The following TSHZ2 variants were observed in gnomAD, a reference collection of about 807,000 sequenced individuals.
The protein encoded by TSHZ2 is teashirt homolog 2.
Under a neutral mutation model 74.4 loss-of-function variants are expected in TSHZ2, and 21 were observed. The ratio of observed to expected loss-of-function variants is 0.28; its 90% CI spans 0.20 to 0.41. TSHZ2 has a LOEUF of 0.41. Among genes scored for constraint, TSHZ2 ranks in the 10% least tolerant of loss-of-function variants. TSHZ2 has a pLI of 1.00. For synonymous variants in TSHZ2, 540 were observed against 515.3 expected, an observed-to-expected ratio of 1.05 and a Z score of -0.65; for missense variants, 1,244 against 1,293.5, an observed-to-expected ratio of 0.96 and a Z score of 0.59.
intron 1 of TSHZ2, among the ~76,000 whole-genome samples, chr20:53,193,598 A>G (rs1033250030): frequency 2.0e-5 from 3 of 152,204 alleles, no homozygotes; most frequent in Admixed American, 6.5e-5. Context: ...TGCCTAGAAC[A>G]CAGCTGATGT....
In TSHZ2 at chr20:53,432,897, A is replaced by G. The variant is rs191933357; in HGVS notation, c.*9-54247A>G. ...CCATCCCAACATCCAGAAGTAGGCAACAATGGCATTGAGTCAATGGATTAG... is the reference window on the plus strand; with the variant it reads ...CCATCCCAACATCCAGAAGTAGGCAGCAATGGCATTGAGTCAATGGATTAG... On this transcript the variant is annotated intron_variant, in intron 2 of 2. Transcript: ENST00000371497. Among the ~76,000 whole-genome samples, 6 of 152,338 alleles carry G rather than the reference A, an allele frequency of 3.9e-5. No homozygotes were observed. The East Asian group carries it at 9.6e-4, about 24-fold the overall frequency.
intron 1 of TSHZ2, among the ~76,000 whole-genome samples, chr20:53,027,733 T>C: frequency 6.6e-6 from 1 of 152,052 alleles, no homozygotes; most frequent in East Asian, 1.9e-4. Flanking sequence ...CACTCCAGCC[T>C]GAGTGACAGA....
chr20:53,253,416 GGAAGCACTTAGTCTATGT>G (rs1322812350), intron 1 of TSHZ2, 65 bp from the exon 2 acceptor site: 1 of 1,505,890 alleles, frequency 6.6e-7, no homozygotes, highest in African/African-American at 1.4e-5. Context: ...GTTCGGCATG[GGAAGCACTTAGTCTATGT>G]GAGGAAATTG....
intron 1 of TSHZ2, among the ~76,000 whole-genome samples, chr20:53,163,383 T>TC (rs1987989553): frequency 6.7e-6 from 1 of 148,676 alleles, no homozygotes; most frequent in African/African-American, 2.5e-5. Context: ...TTTTTTTTTT[T>TC]TTTGAGGTTT....
chr20:52,989,566 T>C lies in TSHZ2; in HGVS notation c.40+16233T>C, dbSNP rs1600632744. Among the ~76,000 whole-genome samples the C allele has an allele frequency of 2.6e-5, 4 of 152,314 alleles. No individual in the cohort carries two copies. The East Asian group carries it at 7.7e-4, about 29-fold the overall frequency. ...ATCTCTGTGCCTCACTCCTGTAAAATAGGCATAAGGAGAGTTCTTACTTCC... is the reference window on the plus strand; with the variant it reads ...ATCTCTGTGCCTCACTCCTGTAAAACAGGCATAAGGAGAGTTCTTACTTCC... On this transcript the variant is annotated intron_variant, in intron 1 of 2. Transcript: ENST00000371497.
intron 1 of TSHZ2, among the ~76,000 whole-genome samples, chr20:53,100,662 C>T (rs1436234442): frequency 6.6e-6 from 1 of 152,142 alleles, no homozygotes; most frequent in Non-Finnish European, 1.5e-5. Flanking sequence ...GGTCAAAGCC[C>T]ATCAAACCTT....
At chr20:53,334,748 G>T (rs1234636800) in intron 2 of TSHZ2, among the ~76,000 whole-genome samples, 1 of 151,816 alleles carries the variant, frequency 6.6e-6, no homozygotes, top group African/African-American at 2.4e-5. Context: ...AGGCTGGAGT[G>T]CAGTGGCGCA....
At chr20:53,129,990 T>A (rs1987057845) in intron 1 of TSHZ2, among the ~76,000 whole-genome samples, 1 of 151,878 alleles carries the variant, frequency 6.6e-6, no homozygotes, top group Admixed American at 6.6e-5. Flanking sequence ...GCAAAAGGTG[T>A]TCTTAGAGAT....
chr20:53,357,695 A>T (rs535856155), intron 2 of TSHZ2, among the ~76,000 whole-genome samples: 72 of 152,276 alleles, frequency 4.7e-4, no homozygotes, highest in Non-Finnish European at 1.0e-3. Flanking sequence ...AGGCCTCTGA[A>T]TTTGATATCG....
intron 1 of TSHZ2, among the ~76,000 whole-genome samples, chr20:53,098,309 A>G (rs1816875051): frequency 6.6e-6 from 1 of 152,206 alleles, no homozygotes; most frequent in Admixed American, 6.5e-5. Context: ...AACAATGTCT[A>G]TGTCTGGGGT....
chr20:53,309,884 G>C (rs1012627604), intron 2 of TSHZ2, among the ~76,000 whole-genome samples: 1 of 152,212 alleles, frequency 6.6e-6, no homozygotes, highest in African/African-American at 2.4e-5. Context: ...ACAAAAGCAA[G>C]GAGGGCTCAT....
Position 53,254,276 on chromosome 20 carries a change from A to G in TSHZ2, c.818A>G (p.Lys273Arg). The change falls in exon 2 of 3, where the codon AAG becomes AGG. Residue 273 changes from lysine (K) to arginine (R), a missense_variant. Coordinates refer to ENST00000371497, the MANE Select transcript of TSHZ2 (RefSeq NM_173485.6). The stretch of plus-strand genomic sequence containing the variant: ...GATATGGACAAAGAGGATGCTCAAA[A>G]GGTTCTGAAATGTATGTTTTGTGGC... ...FQDMDKEDAQKVLKCMFCGDS... is the reference protein window; with the variant it reads ...FQDMDKEDAQRVLKCMFCGDS... 1 of 1,614,152 alleles carries G rather than the reference A, an allele frequency of 6.2e-7. No homozygotes were observed. Among genetic ancestry groups the G allele is most frequent in the Non-Finnish European group, 8.5e-7 (1 of 1,180,014 alleles).
chr20:53,050,114 T>TCCACAC (rs1984383633), intron 1 of TSHZ2, among the ~76,000 whole-genome samples: 1 of 113,384 alleles, frequency 8.8e-6, no homozygotes, highest in African/African-American at 3.7e-5. Flanking sequence ...TATATATATA[T>TCCACAC]ATATATATAT....
intron 1 of TSHZ2, among the ~76,000 whole-genome samples, chr20:53,239,579 A>G (rs1177665177): frequency 1.3e-5 from 2 of 151,990 alleles, no homozygotes; most frequent in African/African-American, 4.8e-5. Context: ...GACCTTGGGG[A>G]GGAGATGCCA....
At chr20:53,302,548 G>T (rs993260037) in intron 2 of TSHZ2, among the ~76,000 whole-genome samples, 6 of 152,142 alleles carry the variant, frequency 3.9e-5, no homozygotes, top group Non-Finnish European at 8.8e-5. Context: ...CTTTCTAACC[G>T]TGTGTGGGTG....
chr20:53,441,221 GTTTATTTTATTTTATTTTATTTTAT>G (rs11472706), intron 2 of TSHZ2, among the ~76,000 whole-genome samples: 64 of 125,814 alleles, frequency 5.1e-4, no homozygotes, highest in African/African-American at 1.7e-3. Context: ...TTATTTATTT[GTTTATTTTATTTTATTTTATTTTAT>G]TTTATTTTAT....
chr20:53,326,786 C>T (rs1470140671), intron 2 of TSHZ2, among the ~76,000 whole-genome samples: 1 of 152,164 alleles, frequency 6.6e-6, no homozygotes, highest in Non-Finnish European at 1.5e-5. Context: ...AGGAGAAACC[C>T]AGGAGCCTAT....
chr20:53,305,135 T>A (rs1177363532), intron 2 of TSHZ2, among the ~76,000 whole-genome samples: 1 of 151,002 alleles, frequency 6.6e-6, no homozygotes, highest in Non-Finnish European at 1.5e-5. Context: ...AGATGGGGTT[T>A]CACCGTGTTA....
At chr20:53,315,961 G>T (rs144838068) in intron 2 of TSHZ2, among the ~76,000 whole-genome samples, 1 of 152,094 alleles carries the variant, frequency 6.6e-6, no homozygotes, top group African/African-American at 2.4e-5. Flanking sequence ...AAAAGGAGCC[G>T]AGGAGGACAT....
Sources: gnomAD v4.1 joint callset for allele counts (sites outside exome capture counted in the v4.1 genomes callset) on GRCh38, gnomAD v4.1.1 for gene constraint, MANE v1.5 for transcripts, NCBI Gene and HGNC (gene_info 2026-07-23, HGNC 2026-07-21) for gene names.